NADSYN1: variants seen among roughly 807,000 people sequenced by gnomAD.
NADSYN1 encodes the protein NAD synthetase 1.
In NADSYN1, 80 loss-of-function variants were observed where a neutral mutation model predicts 99.3. The ratio of observed to expected loss-of-function variants is 0.81; its 90% CI spans 0.67 to 0.97. The LOEUF is 0.97. Ranked by LOEUF, NADSYN1 falls within the 50% of genes least tolerant of loss-of-function variation. The pLI, the probability that NADSYN1 is intolerant of heterozygous loss-of-function variation, is 0.00. For missense variants in NADSYN1, 859 were observed against 948.5 expected (o/e 0.91, Z 1.24); for synonymous variants, 385 against 372.1 (o/e 1.03, Z -0.40).
chr11:71,455,307 A>C (rs1033002939), intron 2 of NADSYN1, 137 bp downstream of exon 2: 38 of 675,892 alleles, frequency 5.6e-5, no homozygotes, highest in Non-Finnish European at 8.9e-5. Context: ...GGGCCTGGTT[A>C]ATGCCATTGA....
chr11:71,476,855 A>G (rs1046850965), intron 9 of NADSYN1: 39 of 986,568 alleles, frequency 4.0e-5, no homozygotes, highest in Non-Finnish European at 4.7e-5. Context: ...GGGGGTCTGT[A>G]TATTTAGTGA....
At chr11:71,458,923 T>A in intron 3 of NADSYN1, 1 of 222,062 alleles carries the variant, frequency 4.5e-6, no homozygotes, top group Non-Finnish European at 9.3e-6. Context: ...CTAGGCTGCA[T>A]ATGTGTAGCT....
chr11:71,466,953 T>C (rs1949595670), intron 5 of NADSYN1, among the ~76,000 whole-genome samples: 2 of 151,890 alleles, frequency 1.3e-5, no homozygotes, highest in South Asian at 4.2e-4. Flanking sequence ...TTATTGTTGA[T>C]AACTTCATGG....
In NADSYN1 at chr11:71,500,812, G is replaced by A. The variant is rs578251295; in HGVS notation, c.2071-490G>A. Among the ~76,000 whole-genome samples, 6 of 152,288 alleles carry A rather than the reference G, an allele frequency of 3.9e-5. No individual in the cohort carries two copies. The South Asian group carries it at 1.2e-3, about 32-fold the overall frequency. On this transcript the variant is annotated intron_variant, in intron 20 of 20. Transcript: ENST00000319023. ...CCACACGCCACACCCAGCCTGGGCT[G>A]GATGCCAATCTGCTCTGCCATCCCT...
rs1249965435 is a variant in NADSYN1, at chr11:71,485,390, G to A, written c.1456-152G>A. The A allele has an allele frequency of 6.9e-6, 4 of 577,682 alleles. No individual in the cohort carries two copies. The East Asian group carries it at 1.3e-4, about 19-fold the overall frequency. The allele number at this position is 577,682 out of a possible 1,614,324, so 35.8% of individuals were successfully genotyped here. ...GACCACCCCGAGAGGAAGGCCTCGG[G>A]ACACTGTGGGACTCTGAGACTCTGA... On this transcript the variant is annotated intron_variant, in intron 15 of 20. Transcript: ENST00000319023.
chr11:71,493,111 C>T (rs1949794707), intron 18 of NADSYN1, among the ~76,000 whole-genome samples: 2 of 152,084 alleles, frequency 1.3e-5, no homozygotes, highest in South Asian at 2.1e-4. Context: ...AACATGAGGC[C>T]TCGGACTCCT....
intron 1 of NADSYN1, among the ~76,000 whole-genome samples, chr11:71,454,857 A>G (rs1949502530): frequency 6.6e-6 from 1 of 152,026 alleles, no homozygotes; most frequent in East Asian, 1.9e-4. Context: ...TCCTGCAGAT[A>G]TAAGCAGGTA....
At position 71,481,926 on chromosome 11, in the gene NADSYN1, G is replaced by A. The variant is rs1464690309; in HGVS notation, c.1051G>A (p.Gly351Arg). The change falls in exon 13 of 21, where the codon GGG becomes AGG. Residue 351 changes from glycine (G) to arginine (R), a missense_variant. Coordinates refer to ENST00000319023, the MANE Select transcript of NADSYN1 (RefSeq NM_018161.5). ...WDFLRRSQQAGFLLPLSGGVD... is the reference protein window; with the variant it reads ...WDFLRRSQQARFLLPLSGGVD... ...CTGTCTGATTGGTCCATTCCAGGCAGGGTTTTTGCTGCCCTTGAGTGGCGG... is the reference window on the plus strand; with the variant it reads ...CTGTCTGATTGGTCCATTCCAGGCAAGGTTTTTGCTGCCCTTGAGTGGCGG... 5 of 1,613,104 alleles carry A rather than the reference G, an allele frequency of 3.1e-6. No homozygotes were observed. The African/African-American group carries it at 4.0e-5, about 13-fold the overall frequency.
chr11:71,463,914 AG>A (rs1949568627), intron 4 of NADSYN1, 138 bp from the exon 5 acceptor site: 1 of 641,718 alleles, frequency 1.6e-6, no homozygotes, highest in African/African-American at 1.8e-5. Flanking sequence ...AGCCCAGAGA[AG>A]GAGAGAGATT....
chr11:71,482,953 G>A lies in NADSYN1; in HGVS notation c.1255G>A (p.Ala419Thr), dbSNP rs1410678349. ...ACGCATACTGACCACCTGCTACATGGCCAGCAAGAACTCCTCCCAGGAGAC... is the reference window on the plus strand; with the variant it reads ...ACGCATACTGACCACCTGCTACATGACCAGCAAGAACTCCTCCCAGGAGAC... ...CGRILTTCYM[A>T]SKNSSQETCT... The change falls in exon 14 of 21, where the codon GCC (alanine) becomes ACC (threonine). Residue 419 changes from alanine (A) to threonine (T), a missense_variant. Ala to Thr is a moderately conservative substitution (Grantham distance 58). Transcript: ENST00000319023. The A allele has an allele frequency of 6.2e-7, 1 of 1,613,144 alleles. No homozygotes were observed. The highest frequency in any genetic ancestry group is 1.7e-5 in the Admixed American group (1 of 59,994).
chr11:71,465,036 G>T (rs1949578639), intron 5 of NADSYN1, among the ~76,000 whole-genome samples: 1 of 152,144 alleles, frequency 6.6e-6, no homozygotes, highest in Non-Finnish European at 1.5e-5. Context: ...CAAGACAGTT[G>T]TAGGTAAAGA....
chr11:71,481,949 C>T lies in NADSYN1; in HGVS notation c.1074C>T (p.Gly358=), dbSNP rs200883440. The T allele has an allele frequency of 3.1e-6, 5 of 1,608,546 alleles. No individual in the cohort carries two copies. Among genetic ancestry groups the T allele is most frequent in the African/African-American group, 1.3e-5 (1 of 74,770 alleles). ...QQAGFLLPLS[G]GVDSAATACL... ...CAGGGTTTTTGCTGCCCTTGAGTGG[C>T]GGGGTGGACAGCGCAGCCACCGCCT... The change falls in exon 13 of 21, where the codon GGC becomes GGT. Residue 358 remains glycine, a synonymous_variant. Transcript: ENST00000319023.
At chr11:71,492,477 T>G (rs151039745) in intron 18 of NADSYN1, among the ~76,000 whole-genome samples, 8 of 152,292 alleles carry the variant, frequency 5.3e-5, no homozygotes, top group Admixed American at 1.3e-4. Flanking sequence ...TCAGTTTCAT[T>G]CCTTTGCATG....
chr11:71,484,912 C>T (rs557141074), intron 15 of NADSYN1: 10 of 192,968 alleles, frequency 5.2e-5, no homozygotes, highest in African/African-American at 1.6e-4. Flanking sequence ...TGTGCACAAA[C>T]GTGAGTGCAC....
intron 3 of NADSYN1, among the ~76,000 whole-genome samples, chr11:71,461,908 C>A (rs942128115): frequency 6.6e-6 from 1 of 152,208 alleles, no homozygotes; most frequent in Non-Finnish European, 1.5e-5. Context: ...CAGAACACAT[C>A]GGAGAGGAAT....
intron 10 of NADSYN1, 79 bp from the exon 11 acceptor site, chr11:71,480,676 C>T (rs1949699899): frequency 1.2e-6 from 2 of 1,601,270 alleles, no homozygotes; most frequent in African/African-American, 1.3e-5. Flanking sequence ...TGATGGAGTC[C>T]TGCTTGTCTG....
chr11:71,489,505 C>T (rs1264311821), intron 16 of NADSYN1, among the ~76,000 whole-genome samples: 2 of 152,274 alleles, frequency 1.3e-5, no homozygotes, highest in Non-Finnish European at 2.9e-5. Context: ...GAGTCAGCCC[C>T]GGCGGATTTC....
intron 9 of NADSYN1, chr11:71,474,783 A>T: frequency 2.2e-6 from 1 of 453,218 alleles, no homozygotes; most frequent in Non-Finnish European, 4.1e-6. Context: ...AGAAGCCCCC[A>T]GGGGTCCCGC....
chr11:71,477,104 GC>G, intron 9 of NADSYN1: 2 of 1,122,006 alleles, frequency 1.8e-6, no homozygotes, highest in East Asian at 7.7e-5. Context: ...CACCCCTTCT[GC>G]CTCCTGCTCA....
Sources: allele counts gnomAD v4.1 joint callset (sites outside exome capture counted in the v4.1 genomes callset), GRCh38; gene constraint gnomAD v4.1.1; transcripts MANE v1.5; gene names NCBI Gene and HGNC (gene_info 2026-07-23, HGNC 2026-07-21).